AFF3: variants seen among roughly 807,000 people sequenced by gnomAD.
AFF3 encodes ALF transcription elongation factor 3.
In AFF3, 32 loss-of-function variants were observed where a neutral mutation model predicts 129.7. That is an observed-to-expected ratio of 0.25 (90% CI 0.19 to 0.33). The LOEUF (loss-of-function observed/expected upper bound fraction) is 0.33, where lower values mean the gene tolerates loss of function less well. Ranked by LOEUF, AFF3 falls within the 10% of genes least tolerant of loss-of-function variation. The pLI, the probability that AFF3 is intolerant of heterozygous loss-of-function variation, is 1.00. For missense variants in AFF3, 1,373 were observed against 1,592.0 expected (o/e 0.86, Z 2.34); for synonymous variants, 644 against 635.4 (o/e 1.01, Z -0.20).
chr2:100,048,021 A>G (rs1160843050), intron 4 of AFF3, among the ~76,000 whole-genome samples: 1 of 152,170 alleles, frequency 6.6e-6, no homozygotes, highest in Non-Finnish European at 1.5e-5. Flanking sequence ...TCTACTCCCA[A>G]CCAAAGACGT....
At chr2:99,810,848 T>C (rs766991342) in intron 8 of AFF3, among the ~76,000 whole-genome samples, 3 of 152,204 alleles carry the variant, frequency 2.0e-5, no homozygotes, top group Non-Finnish European at 2.9e-5. Flanking sequence ...CTCAGGGCCA[T>C]CACATTCTTT....
chr2:99,912,831 G>T (rs1472424231), intron 7 of AFF3, among the ~76,000 whole-genome samples: 1 of 152,182 alleles, frequency 6.6e-6, no homozygotes, highest in African/African-American at 2.4e-5. Context: ...ACTTAATTTT[G>T]CAGTACTTTG....
At chr2:99,723,045 T>C (rs1457200568) in intron 11 of AFF3, among the ~76,000 whole-genome samples, 2 of 152,172 alleles carry the variant, frequency 1.3e-5, no homozygotes, top group East Asian at 3.9e-4. Flanking sequence ...TTAACAAAAG[T>C]ATTTTGTCCA....
At chr2:99,980,858 T>G (rs1373799582) in intron 7 of AFF3, among the ~76,000 whole-genome samples, 1 of 152,220 alleles carries the variant, frequency 6.6e-6, no homozygotes, top group Non-Finnish European at 1.5e-5. Flanking sequence ...AAGAAATGAA[T>G]AGCTCATAAT....
intron 12 of AFF3, among the ~76,000 whole-genome samples, chr2:99,671,596 C>A (rs530700987): frequency 1.8e-4 from 28 of 152,258 alleles, no homozygotes; most frequent in African/African-American, 6.3e-4. Flanking sequence ...GACAGCAAAT[C>A]ATCTGCATAG....
rs188856232 is a variant in AFF3 at position 100,041,755 on chromosome 2, G to C, written c.54-32823C>G. ...GAATATTAAACTGTTAGAAACATAGGGAGATATAATTCATTGACTCATTTT... is the reference window on the plus strand; with the variant it reads ...GAATATTAAACTGTTAGAAACATAGCGAGATATAATTCATTGACTCATTTT... On this transcript the variant is annotated intron_variant, in intron 4 of 24. Coordinates refer to ENST00000672756, the MANE Select transcript of AFF3 (RefSeq NM_001386135.1). Among the ~76,000 whole-genome samples the C allele has an allele frequency of 2.2e-3, 328 of 152,184 alleles. 1 individual carries two copies. The highest frequency in any genetic ancestry group is 0.011 in the South Asian group (52 of 4,822).
At chr2:99,749,972 G>A (rs186875489) in intron 9 of AFF3, among the ~76,000 whole-genome samples, 1 of 152,290 alleles carries the variant, frequency 6.6e-6, no homozygotes, top group East Asian at 1.9e-4. Context: ...ATAACTTACT[G>A]ACCATTGAAA....
At chr2:99,682,754 T>C (rs1674649233) in intron 11 of AFF3, among the ~76,000 whole-genome samples, 1 of 152,178 alleles carries the variant, frequency 6.6e-6, no homozygotes, top group Non-Finnish European at 1.5e-5. Flanking sequence ...ATAGGGTTTT[T>C]GGTTAAATGT....
intron 12 of AFF3, 51 bp from the exon 13 acceptor site, chr2:99,649,717 T>G: frequency 6.2e-7 from 1 of 1,603,992 alleles, no homozygotes; most frequent in Non-Finnish European, 8.5e-7. Flanking sequence ...GACTTTTGAA[T>G]TACGTGCTCA....
chr2:99,553,325 A>G (rs1340579292), intron 24 of AFF3, among the ~76,000 whole-genome samples: 1 of 151,994 alleles, frequency 6.6e-6, no homozygotes, highest in South Asian at 2.1e-4. Flanking sequence ...GTTATGTACT[A>G]TGTGGTTTTA....
chr2:100,104,777 G>C, intron 3 of AFF3: 2 of 870,384 alleles, frequency 2.3e-6, no homozygotes, highest in Non-Finnish European at 2.6e-6. Flanking sequence ...CCTCCCTCGC[G>C]GCGGCCCGGC....
chr2:99,726,655 C>T lies in AFF3; in HGVS notation c.1091+422G>A, dbSNP rs147319683. On this transcript the variant is annotated intron_variant, in intron 11 of 24. Transcript: ENST00000672756. ...GAAACTCTTGAGATTCCAGAGATAT[C>T]GATAATTGTGCTTTTCACATAATTC... Among the ~76,000 whole-genome samples the T allele has an allele frequency of 6.7e-3, 1,022 of 152,258 alleles. 8 individuals carry two copies. Among genetic ancestry groups the T allele is most frequent in the Non-Finnish European group, 9.8e-3 (668 of 68,012 alleles).
At chr2:99,812,987 G>A (rs796801559) in intron 8 of AFF3, among the ~76,000 whole-genome samples, 1 of 151,856 alleles carries the variant, frequency 6.6e-6, no homozygotes, top group African/African-American at 2.4e-5. Context: ...ATTTCTCGCA[G>A]TGCAGGCATT....
chr2:99,688,180 T>C (rs1327006471), intron 11 of AFF3, among the ~76,000 whole-genome samples: 1 of 152,166 alleles, frequency 6.6e-6, no homozygotes, highest in African/African-American at 2.4e-5. Flanking sequence ...TCTTGCATGC[T>C]TTCTTGCTTT....
chr2:99,597,578 T>C (rs1015321053), intron 14 of AFF3, among the ~76,000 whole-genome samples: 2 of 152,288 alleles, frequency 1.3e-5, no homozygotes, highest in African/African-American at 4.8e-5. Flanking sequence ...CATTTATTCC[T>C]TTATTATCAT....
chr2:99,546,968 G>C lies in AFF3; in HGVS notation c.*4506C>G, dbSNP rs763902539. 36 of 221,660 alleles carry C rather than the reference G, an allele frequency of 1.6e-4. No homozygotes were observed. Among genetic ancestry groups the C allele is most frequent in the Non-Finnish European group, 2.4e-4 (27 of 110,840 alleles). 13.7% of individuals were successfully genotyped at this position (221,660 alleles called of 1,614,324 possible). ...TGTGCATACGTGCATGCATGTGCGC[G>C]CGTGTGTGCGTATGTGTATGTATCA... On this transcript the variant is annotated 3_prime_UTR_variant, in exon 25 of 25. Coordinates refer to ENST00000672756, the MANE Select transcript of AFF3 (RefSeq NM_001386135.1).
At chr2:99,701,226 G>C (rs1004244301) in intron 11 of AFF3, among the ~76,000 whole-genome samples, 1 of 152,136 alleles carries the variant, frequency 6.6e-6, no homozygotes, top group Non-Finnish European at 1.5e-5. Flanking sequence ...TTCAGCTTAG[G>C]CTACAAATGA....
At chr2:99,622,558 G>C (rs140481164) in intron 13 of AFF3, among the ~76,000 whole-genome samples, 280 of 152,336 alleles carry the variant, frequency 1.8e-3, no homozygotes, top group African/African-American at 6.3e-3. Context: ...GTGCCAATAA[G>C]TCTGAGTTCT....
intron 7 of AFF3, among the ~76,000 whole-genome samples, chr2:99,909,406 G>A (rs1694963814): frequency 8.3e-6 from 1 of 120,668 alleles, no homozygotes; most frequent in South Asian, 3.6e-4. Context: ...GTTACTGGAG[G>A]GAGGGGGGAG....
Sources: gnomAD v4.1 joint callset for allele counts (sites outside exome capture counted in the v4.1 genomes callset) on GRCh38, gnomAD v4.1.1 for gene constraint, MANE v1.5 for transcripts, NCBI Gene and HGNC (gene_info 2026-07-23, HGNC 2026-07-21) for gene names.